The following DIPK2A variants were observed in gnomAD, a reference collection of about 807,000 sequenced individuals.
The protein encoded by DIPK2A is Golgi Protein of 49 kDa.
A neutral mutation model predicts 39.0 loss-of-function variants in DIPK2A; 27 were observed. The ratio of observed to expected loss-of-function variants is 0.69; its 90% CI spans 0.51 to 0.96. The LOEUF is 0.96. Ranked by LOEUF, DIPK2A falls within the 40% of genes least tolerant of loss-of-function variation. DIPK2A has a pLI of 0.00. For synonymous variants in DIPK2A, 298 were observed against 240.8 expected (o/e 1.24, Z -2.20); for missense variants, 528 against 571.3 (o/e 0.92, Z 0.77).
intron 1 of DIPK2A, chr3:143,973,304 C>G (rs182240413): frequency 6.6e-7 from 1 of 1,524,586 alleles, no homozygotes; most frequent in African/African-American, 1.4e-5. Flanking sequence ...AGTTTCCTTC[C>G]GCTCTCTACC....
rs927629193 is a variant in DIPK2A, at chr3:143,972,578, G to C, written c.246G>C (p.Leu82=). The C allele has an allele frequency of 1.2e-6, 2 of 1,612,152 alleles. No homozygotes were observed. The highest frequency in any genetic ancestry group is 2.7e-5 in the African/African-American group (2 of 74,858). The change falls in exon 1 of 3, where the codon CTG becomes CTC. Residue 82 remains leucine, a synonymous_variant. Transcript: ENST00000315691. ...VVFEAWGRLR[L]LDFLNVKNVY... ...TCGAGGCGTGGGGCCGCTTGCGCCT[G>C]CTGGACTTCCTCAACGTGAAGAACG...
rs750224805 is a variant in DIPK2A at position 143,989,964 on chromosome 3, TGATA to T, written c.*127_*130del. 83 of 682,400 alleles carry T rather than the reference TGATA, an allele frequency of 1.2e-4. No homozygotes were observed. The highest frequency in any genetic ancestry group is 3.4e-4 in the Middle Eastern group (1 of 2,978). The allele number at this position is 682,400 out of a possible 1,614,324, so 42.3% of individuals were successfully genotyped here. ...CATTCAGAGGATGATAAACTTGCAC[TGATA>T]GATCTTAATGTTAACATCCATCAAA... is the stretch of plus-strand genomic sequence containing the variant. On this transcript the variant is annotated 3_prime_UTR_variant, in exon 3 of 3. Coordinates refer to ENST00000315691, the MANE Select transcript of DIPK2A (RefSeq NM_173552.5).
intron 1 of DIPK2A, among the ~76,000 whole-genome samples, chr3:143,977,336 TG>T (rs1405325949): frequency 6.6e-5 from 10 of 152,092 alleles, no homozygotes; most frequent in African/African-American, 2.4e-4. Flanking sequence ...TTGTTGTTGT[TG>T]TTGTTGTTGT....
chr3:143,987,392 A>G (rs1209638963), intron 2 of DIPK2A, among the ~76,000 whole-genome samples: 3 of 152,172 alleles, frequency 2.0e-5, no homozygotes, highest in Non-Finnish European at 2.9e-5. Flanking sequence ...GTATTCTTCC[A>G]TTTCATACAG....
At chr3:143,977,560 C>CT (rs2107840584) in intron 1 of DIPK2A, among the ~76,000 whole-genome samples, 1 of 152,184 alleles carries the variant, frequency 6.6e-6, no homozygotes, top group East Asian at 1.9e-4. Flanking sequence ...ATGTTCCAGA[C>CT]TTTGTTTCAG....
At chr3:143,979,639 G>A (rs2087799963) in intron 1 of DIPK2A, among the ~76,000 whole-genome samples, 1 of 152,120 alleles carries the variant, frequency 6.6e-6, no homozygotes, top group South Asian at 2.1e-4. Flanking sequence ...GTTGAGACTA[G>A]TAAACTTATG....
At chr3:143,979,691 G>T (rs947690642) in intron 1 of DIPK2A, among the ~76,000 whole-genome samples, 1 of 149,754 alleles carries the variant, frequency 6.7e-6, no homozygotes, top group Non-Finnish European at 1.5e-5. Flanking sequence ...TTTTTGTTTT[G>T]TGTTTTTTTT....
At position 143,978,616 on chromosome 3, in the gene DIPK2A, CTATATCTATA is replaced by C. The variant is rs1559854062; in HGVS notation, c.657+5633_657+5642del. On this transcript the variant is annotated intron_variant, in intron 1 of 2. Coordinates refer to ENST00000315691, the MANE Select transcript of DIPK2A (RefSeq NM_173552.5). The stretch of plus-strand genomic sequence containing the variant: ...TATCTATCTATCTATATATATATAT[CTATATCTATA>C]TATATATATATATCTATATATATAT... The C allele has an allele frequency of 8.2e-4, 104 of 126,072 alleles. 1 individual carries two copies. The highest frequency in any genetic ancestry group is 2.9e-3 in the African/African-American group (101 of 35,010). The allele number at this position is 126,072 out of a possible 1,614,324, so 7.8% of individuals were successfully genotyped here.
Position 143,991,034 on chromosome 3 carries a change from T to C in DIPK2A, c.*1193T>C, listed in dbSNP as rs1320075448. ...TCATTATTACTATAAAGCATACAAA[T>C]TAGCCAGTCAGCACACTTTGGTCTT... On this transcript the variant is annotated 3_prime_UTR_variant, in exon 3 of 3. Coordinates refer to ENST00000315691, the MANE Select transcript of DIPK2A (RefSeq NM_173552.5). 6.6e-6 allele frequency: 1 copy of C among 152,458 alleles called. No homozygotes were observed. Among genetic ancestry groups the C allele is most frequent in the African/African-American group, 2.4e-5 (1 of 41,466 alleles). The allele number at this position is 152,458 out of a possible 1,614,324, so 9.4% of individuals were successfully genotyped here.
In DIPK2A at chr3:143,978,647, T is replaced by TATATATATATATATCTATATAG. The variant is rs2087777050; in HGVS notation, c.657+5670_657+5671insATCTATATAGATATATATATAT. On this transcript the variant is annotated intron_variant, in intron 1 of 2. Transcript: ENST00000315691. ...CTATATATATATATATATCTATATA[T>TATATATATATATATCTATATAG]ATATATATATATCTATATATAGATA... 1.4e-4 allele frequency: 6 copies of TATATATATATATATCTATATAG among 42,766 alleles called. No individual in the cohort carries two copies. In the Admixed American group the frequency reaches 1.5e-3, roughly 10 times the overall value. 2.6% of individuals were successfully genotyped at this position (42,766 alleles called of 1,614,324 possible). A position where few individuals can be genotyped will look rare whatever the true frequency, so the allele number is the denominator to read the frequency against.
intron 1 of DIPK2A, among the ~76,000 whole-genome samples, chr3:143,982,045 T>TA (rs1486568589): frequency 2.6e-5 from 4 of 152,336 alleles, no homozygotes; most frequent in African/African-American, 4.8e-5. Flanking sequence ...TTATCAGTAA[T>TA]AAAAAACAAG....
intron 1 of DIPK2A, among the ~76,000 whole-genome samples, chr3:143,980,257 C>T (rs1382619416): frequency 8.4e-6 from 1 of 119,288 alleles, no homozygotes; most frequent in Non-Finnish European, 1.6e-5. Flanking sequence ...CTCTTTCTTT[C>T]TTTTCTTTCT....
chr3:143,990,486 C>G lies in DIPK2A; in HGVS notation c.*645C>G, dbSNP rs2087968164. 6.6e-6 allele frequency: 1 copy of G among 150,596 alleles called. No individual in the cohort carries two copies. The highest frequency in any genetic ancestry group is 1.5e-5 in the Non-Finnish European group (1 of 67,736). The allele number at this position is 150,596 out of a possible 1,614,324, so 9.3% of individuals were successfully genotyped here. A position where few individuals can be genotyped will look rare whatever the true frequency, so the allele number is the denominator to read the frequency against. On this transcript the variant is annotated 3_prime_UTR_variant, in exon 3 of 3. Coordinates refer to ENST00000315691, the MANE Select transcript of DIPK2A (RefSeq NM_173552.5). The stretch of plus-strand genomic sequence containing the variant: ...TACATTATGTAAATACTTCTTTTCA[C>G]CAACTTCTGTAGTTTCACCATTGCA...
At chr3:143,982,133 TAC>T (rs1162779422) in intron 1 of DIPK2A, among the ~76,000 whole-genome samples, 2 of 152,244 alleles carry the variant, frequency 1.3e-5, no homozygotes, top group African/African-American at 4.8e-5. Context: ...GGATGCTCTC[TAC>T]GTTTCTTATA....
chr3:143,989,667 C>A lies in DIPK2A; in HGVS notation c.1119C>A (p.Thr373=). 6.2e-7 allele frequency: 1 copy of A among 1,614,212 alleles called. No individual in the cohort carries two copies. The change falls in exon 3 of 3, where the codon ACC becomes ACA. Residue 373 remains threonine, a synonymous_variant. Transcript: ENST00000315691. ...VCQNLLSRHA[T]WRGTSGGLLH... The stretch of plus-strand genomic sequence containing the variant: ...AGAACCTCTTATCCAGACATGCCAC[C>A]TGGCGTGGCACTTCTGGAGGACTCC...
In DIPK2A at chr3:143,972,266, C is replaced by A. The variant is rs918685128; in HGVS notation, c.-67C>A. ...CCCGGGGTTCCTGCCGGTAGCTCTC[C>A]GGGTCTTGGCGCGGCGGGGGCGCCC... On this transcript the variant is annotated 5_prime_UTR_variant, in exon 1 of 3. Coordinates refer to ENST00000315691, the MANE Select transcript of DIPK2A (RefSeq NM_173552.5). 1.5e-6 allele frequency: 2 copies of A among 1,321,378 alleles called. No individual in the cohort carries two copies. The highest frequency in any genetic ancestry group is 3.1e-5 in the African/African-American group (2 of 64,306). 81.9% of individuals were successfully genotyped at this position (1,321,378 alleles called of 1,614,324 possible).
rs772207099 is a variant in DIPK2A, at chr3:143,972,929, C to T, written c.597C>T (p.Asp199=). 2.5e-6 allele frequency: 4 copies of T among 1,590,360 alleles called. No homozygotes were observed. The highest frequency in any genetic ancestry group is 4.5e-5 in the East Asian group (2 of 43,990). The change falls in exon 1 of 3, where the codon GAC becomes GAT. Residue 199 remains aspartate (D), a synonymous_variant. Coordinates refer to ENST00000315691, the MANE Select transcript of DIPK2A (RefSeq NM_173552.5). The part of the protein sequence containing the change: ...SGSFLLRNLK[D]SERMQLLLTL... ...GCTTCCTGCTTCGCAACCTCAAGGA[C>T]TCGGAGCGCATGCAGCTGCTGCTGA...
chr3:143,987,087 A>T (rs1415684862), intron 2 of DIPK2A, among the ~76,000 whole-genome samples: 3 of 152,084 alleles, frequency 2.0e-5, no homozygotes, highest in African/African-American at 7.2e-5. Flanking sequence ...TTATTTCTTG[A>T]CTTGCCATGT....
chr3:143,982,920 A>G (rs944832778), intron 1 of DIPK2A, among the ~76,000 whole-genome samples: 1 of 152,010 alleles, frequency 6.6e-6, no homozygotes, highest in Non-Finnish European at 1.5e-5. Flanking sequence ...CAAAAAAAAC[A>G]AAAGGGGTTG....
Sources: gnomAD v4.1 joint callset for allele counts (sites outside exome capture counted in the v4.1 genomes callset) on GRCh38, gnomAD v4.1.1 for gene constraint, MANE v1.5 for transcripts, NCBI Gene and HGNC (gene_info 2026-07-23, HGNC 2026-07-21) for gene names.